CTNNBL1: variants seen among roughly 807,000 people sequenced by gnomAD.
CTNNBL1 encodes the protein beta-catenin-like protein 1.
A neutral mutation model predicts 72.7 loss-of-function variants in CTNNBL1; 31 were observed. That is an observed-to-expected ratio of 0.43 (90% CI 0.32 to 0.58). CTNNBL1 has a LOEUF of 0.58. Ranked by LOEUF, CTNNBL1 falls within the 20% of genes least tolerant of loss-of-function variation. The pLI is 0.08. For synonymous variants in CTNNBL1, 240 were observed against 267.3 expected (o/e 0.90, Z 1.00); for missense variants, 534 against 725.1 (o/e 0.74, Z 3.03).
At chr20:37,796,888 G>A (rs904730803) in intron 10 of CTNNBL1, among the ~76,000 whole-genome samples, 2 of 152,168 alleles carry the variant, frequency 1.3e-5, no homozygotes, top group African/African-American at 2.4e-5. Flanking sequence ...CTCCTCTGAA[G>A]TGCACATGTT....
chr20:37,746,165 A>G (rs953497824), intron 3 of CTNNBL1, among the ~76,000 whole-genome samples: 1 of 152,220 alleles, frequency 6.6e-6, no homozygotes, highest in Non-Finnish European at 1.5e-5. Context: ...TGGCTAATCT[A>G]TAGGACTGGT....
rs1268508348 is a variant in CTNNBL1, at chr20:37,718,256, C to G, written c.31-14623C>G. ...GGGGGGCTGACCCCCCCACCTCCCT[C>G]CCGGACGGGGTGGCTGGCCGGGCGG... On this transcript the variant is annotated intron_variant, in intron 1 of 15. Coordinates refer to ENST00000361383, the MANE Select transcript of CTNNBL1 (RefSeq NM_030877.5). Among the ~76,000 whole-genome samples the G allele has an allele frequency of 3.5e-5, 5 of 143,142 alleles. No homozygotes were observed. The East Asian group carries it at 1.1e-3, about 31-fold the overall frequency. 93.9% of individuals were successfully genotyped at this position (143,142 alleles called of 152,430 possible).
chr20:37,851,549 T>C (rs1397696017), intron 13 of CTNNBL1, among the ~76,000 whole-genome samples: 1 of 152,214 alleles, frequency 6.6e-6, no homozygotes, highest in East Asian at 1.9e-4. Context: ...CCATAAAACA[T>C]AGACTTTTTC....
intron 4 of CTNNBL1, among the ~76,000 whole-genome samples, chr20:37,756,591 CT>C (rs1193174719): frequency 6.8e-6 from 1 of 147,622 alleles, no homozygotes; most frequent in African/African-American, 2.5e-5. Context: ...GTTTTCTTTT[CT>C]TTATACTTCC....
intron 10 of CTNNBL1, among the ~76,000 whole-genome samples, chr20:37,796,098 C>T (rs1403302196): frequency 6.6e-6 from 1 of 152,184 alleles, no homozygotes; most frequent in East Asian, 1.9e-4. Context: ...GCCAGGTGCA[C>T]TGTGAATTAA....
intron 9 of CTNNBL1, among the ~76,000 whole-genome samples, chr20:37,778,860 T>G (rs1288630860): frequency 6.6e-6 from 1 of 152,178 alleles, no homozygotes; most frequent in Non-Finnish European, 1.5e-5. Context: ...TTTATGGAGT[T>G]TTTCTGTATC....
intron 13 of CTNNBL1, among the ~76,000 whole-genome samples, chr20:37,850,859 G>C (rs2072390365): frequency 6.6e-6 from 1 of 152,204 alleles, no homozygotes; most frequent in South Asian, 2.1e-4. Flanking sequence ...AGGCAAGAGA[G>C]GTTCATGTTG....
chr20:37,826,384 C>T (rs2072160035), intron 11 of CTNNBL1, among the ~76,000 whole-genome samples: 2 of 152,222 alleles, frequency 1.3e-5, no homozygotes, highest in South Asian at 4.1e-4. Context: ...TGTTGCTTTG[C>T]ACCCAGTAGG....
intron 1 of CTNNBL1, among the ~76,000 whole-genome samples, chr20:37,725,203 G>C (rs916222456): frequency 6.6e-6 from 1 of 151,782 alleles, no homozygotes; most frequent in Non-Finnish European, 1.5e-5. Flanking sequence ...CACTGCACCC[G>C]GTTGGTCTTG....
At position 37,872,095 on chromosome 20, in the gene CTNNBL1, G is replaced by T; in HGVS notation, c.*82G>T. On this transcript the variant is annotated 3_prime_UTR_variant, in exon 16 of 16. Transcript: ENST00000361383. Reference sequence around the variant, plus strand: ...TCTACACAACTCTGTGTGGCTTTTGGACAAATTAAAGCTAGTTTTGGTATC... The same window carrying T: ...TCTACACAACTCTGTGTGGCTTTTGTACAAATTAAAGCTAGTTTTGGTATC... 2 of 1,300,658 alleles carry T rather than the reference G, an allele frequency of 1.5e-6. No individual in the cohort carries two copies. The highest frequency in any genetic ancestry group is 2.3e-5 in the East Asian group (1 of 42,992). 80.6% of individuals were successfully genotyped at this position (1,300,658 alleles called of 1,614,324 possible).
intron 1 of CTNNBL1, among the ~76,000 whole-genome samples, chr20:37,716,583 G>A (rs2072988374): frequency 6.6e-6 from 1 of 152,126 alleles, no homozygotes. Flanking sequence ...TTTCCTTTGA[G>A]TTGAGGAAAT....
intron 1 of CTNNBL1, among the ~76,000 whole-genome samples, chr20:37,708,257 G>C (rs953032704): frequency 2.6e-5 from 4 of 151,982 alleles, no homozygotes; most frequent in African/African-American, 7.3e-5. Flanking sequence ...CAGGATCATG[G>C]TTCCCTGCAG....
chr20:37,820,480 G>A (rs2072096957), intron 11 of CTNNBL1, among the ~76,000 whole-genome samples: 1 of 152,172 alleles, frequency 6.6e-6, no homozygotes, highest in African/African-American at 2.4e-5. Flanking sequence ...AGAAGACACA[G>A]ATTGATATGG....
chr20:37,801,258 C>T (rs919351911), intron 10 of CTNNBL1, among the ~76,000 whole-genome samples: 5 of 148,004 alleles, frequency 3.4e-5, no homozygotes, highest in Non-Finnish European at 6.0e-5. Flanking sequence ...CCAGATTTAG[C>T]TTTTTTTTTT....
chr20:37,778,107 G>A (rs996221920), intron 9 of CTNNBL1, among the ~76,000 whole-genome samples: 2 of 152,098 alleles, frequency 1.3e-5, no homozygotes, highest in African/African-American at 4.8e-5. Context: ...ATCTGAATAA[G>A]CTCAAGGAGT....
chr20:37,705,249 T>C (rs571162528), intron 1 of CTNNBL1, among the ~76,000 whole-genome samples: 28 of 152,198 alleles, frequency 1.8e-4, no homozygotes, highest in Non-Finnish European at 3.1e-4. Flanking sequence ...ATCTTTAAAA[T>C]AGAGATTGTA....
rs761860574 is a variant in CTNNBL1, at chr20:37,779,212, C to T, written c.908C>T (p.Thr303Met). 2.5e-5 allele frequency: 41 copies of T among 1,613,386 alleles called. No individual in the cohort carries two copies. The highest frequency in any genetic ancestry group is 7.7e-5 in the South Asian group (7 of 91,064). The stretch of plus-strand genomic sequence containing the variant: ...GTGTTTAAAAGACACAATCCCAGCA[C>T]GGCTGAGGAGCAGGAGATGATGGAG... ...LSVFKRHNPS[T>M]AEEQEMMENL... The change falls in exon 10 of 16, where the codon ACG becomes ATG. Residue 303 changes from threonine to methionine, a missense_variant. Coordinates refer to ENST00000361383, the MANE Select transcript of CTNNBL1 (RefSeq NM_030877.5).
chr20:37,816,564 A>T (rs1461283048), intron 11 of CTNNBL1, among the ~76,000 whole-genome samples: 1 of 152,186 alleles, frequency 6.6e-6, no homozygotes, highest in African/African-American at 2.4e-5. Flanking sequence ...TATACGAGAA[A>T]GTGATTTATA....
intron 10 of CTNNBL1, among the ~76,000 whole-genome samples, chr20:37,783,024 C>A (rs1226173384): frequency 2.6e-5 from 4 of 152,112 alleles, no homozygotes; most frequent in African/African-American, 9.7e-5. Flanking sequence ...TATACAGATT[C>A]TTTTTATCAC....
Sources: gnomAD v4.1 joint callset for allele counts (sites outside exome capture counted in the v4.1 genomes callset) on GRCh38, gnomAD v4.1.1 for gene constraint, MANE v1.5 for transcripts, NCBI Gene and HGNC (gene_info 2026-07-23, HGNC 2026-07-21) for gene names.